Variants in MYH7B observed in about 807,000 individuals in gnomAD.
The protein encoded by MYH7B is myosin-7B.
A neutral mutation model predicts 234.5 loss-of-function variants in MYH7B; 205 were observed. The observed-to-expected ratio is 0.87, with a 90% CI of 0.78 to 0.98. The LOEUF (loss-of-function observed/expected upper bound fraction) is 0.98. Among genes scored for constraint, MYH7B ranks in the 50% least tolerant of loss-of-function variants. MYH7B has a pLI of 0.00. For synonymous variants in MYH7B, 1,193 were observed against 1,105.0 expected (o/e 1.08, Z -1.58); for missense variants, 2,652 against 2,633.4 (o/e 1.01, Z -0.15).
chr20:34,969,540 C>CTTTTTTTTTT (rs770172832), intron 2 of MYH7B, among the ~76,000 whole-genome samples: 1 of 126,780 alleles, frequency 7.9e-6, no homozygotes, highest in African/African-American at 3.0e-5. Flanking sequence ...TCTTCTGCTC[C>CTTTTTTTTTT]TTTTTTTTTT....
At chr20:34,985,255 G>A in intron 13 of MYH7B, 126 bp downstream of exon 13, 2 of 860,300 alleles carry the variant, frequency 2.3e-6, no homozygotes, top group South Asian at 1.5e-5. Context: ...CCCCCTGGCT[G>A]CTGCCCAGCT....
rs1328201921 is a variant in MYH7B at position 34,988,928 on chromosome 20, A to G, written c.1587+666A>G. On this transcript the variant is annotated intron_variant, in intron 19 of 44. Transcript: ENST00000262873. ...GGGTTCAAGCAATTCTTATGCCTCA[A>G]CCTCCCAAGTAGCTGGGATTACAGG... 2.0e-5 allele frequency among the ~76,000 whole-genome samples: 3 copies of G among 150,428 alleles called. No individual in the cohort carries two copies. The East Asian group carries it at 5.9e-4, about 30-fold the overall frequency.
At chr20:34,986,839 G>A in intron 14 of MYH7B, 47 bp from the exon 15 acceptor site, 3 of 1,494,914 alleles carry the variant, frequency 2.0e-6, no homozygotes, top group Non-Finnish European at 2.8e-6. Flanking sequence ...GGGGAGAATA[G>A]CCGGTAAGCA....
exon 7 of MYH7B, chr20:34,979,764 TGCA>T: frequency 6.2e-7 from 1 of 1,614,130 alleles, no homozygotes; most frequent in Non-Finnish European, 8.5e-7. Flanking sequence ...GCCTCTGTGC[TGCA>T]CAACCTGCGC....
In MYH7B at chr20:34,982,537, C is replaced by T. The variant is rs553774881; in HGVS notation, c.606C>T (p.Asp202=). ...TTGCCATCGTCGCTGCCCTGGGAGA[C>T]GGGCCGGGCAAGAAGGCCGTAAGAC... The change falls in exon 10 of 45, where the codon GAC becomes GAT. Residue 202 remains aspartate, a synonymous_variant. Transcript: ENST00000262873. 1.4e-5 allele frequency: 22 copies of T among 1,607,592 alleles called. No homozygotes were observed. In the Admixed American group the frequency reaches 1.7e-4, roughly 12 times the overall value.
intron 2 of MYH7B, among the ~76,000 whole-genome samples, chr20:34,959,144 C>G (rs1286260629): frequency 6.6e-6 from 1 of 152,222 alleles, no homozygotes; most frequent in Non-Finnish European, 1.5e-5. Context: ...AGGCTATAGA[C>G]TCGTCTGAGA....
chr20:34,971,591 C>T (rs988378941), intron 2 of MYH7B, among the ~76,000 whole-genome samples: 1 of 152,206 alleles, frequency 6.6e-6, no homozygotes, highest in African/African-American at 2.4e-5. Context: ...GCCCAACCAC[C>T]CCCAGTGTGC....
chr20:34,980,772 C>T, intron 8 of MYH7B, 38 bp downstream of exon 8: 2 of 1,601,832 alleles, frequency 1.2e-6, no homozygotes, highest in Non-Finnish European at 8.5e-7. Context: ...CCGCAGACCC[C>T]GACCTCGGTC....
chr20:34,962,772 C>T (rs1180185949), intron 2 of MYH7B, among the ~76,000 whole-genome samples: 1 of 152,140 alleles, frequency 6.6e-6, no homozygotes, highest in East Asian at 1.9e-4. Context: ...AGACTACAAG[C>T]GAGAGCCACC....
At chr20:34,998,681 G>C (rs771246144) in intron 34 of MYH7B, 38 bp from the exon 35 acceptor site, 1 of 1,612,244 alleles carries the variant, frequency 6.2e-7, no homozygotes, top group East Asian at 2.2e-5. Context: ...CAGAGCCACT[G>C]GGCTGCACTA....
At chr20:34,975,101 G>A (rs1253078256) in intron 2 of MYH7B, among the ~76,000 whole-genome samples, 1 of 152,018 alleles carries the variant, frequency 6.6e-6, no homozygotes, top group Non-Finnish European at 1.5e-5. Context: ...GCAAGAGTCG[G>A]TATAAAAAAA....
chr20:34,968,458 T>C (rs538818907), intron 2 of MYH7B, among the ~76,000 whole-genome samples: 2 of 152,344 alleles, frequency 1.3e-5, no homozygotes, highest in South Asian at 4.1e-4. Flanking sequence ...AAGAGGGACC[T>C]ATTCAAGGTC....
chr20:34,996,890 C>A, intron 30 of MYH7B, 132 bp downstream of exon 30: 1 of 1,371,800 alleles, frequency 7.3e-7, no homozygotes. Context: ...CACTGGGGTG[C>A]AGGGGTAGTG....
At chr20:34,994,095 T>A (rs1362020474) in intron 26 of MYH7B, 51 bp from the exon 27 acceptor site, 1 of 1,594,004 alleles carries the variant, frequency 6.3e-7, no homozygotes, top group Non-Finnish European at 8.6e-7. Flanking sequence ...GTGTCACCAT[T>A]TGTGACGGGC....
chr20:34,994,677 C>G (rs529325352), intron 27 of MYH7B, among the ~76,000 whole-genome samples: 5 of 152,226 alleles, frequency 3.3e-5, no homozygotes, highest in Non-Finnish European at 5.9e-5. Context: ...TGAAACCAAA[C>G]AGACCCATGC....
rs181482834 is a variant in MYH7B at position 34,979,772 on chromosome 20, C to T, written c.310C>T (p.Leu104=). The T allele has an allele frequency of 3.2e-3, 5,198 of 1,614,100 alleles. 13 individuals are homozygous for T. Among genetic ancestry groups the T allele is most frequent in the Non-Finnish European group, 4.2e-3 (4,906 of 1,180,024 alleles). ...GAACGAGGCCTCTGTGCTGCACAACCTGCGCCAGCGCTATGCCCGCTGGAT... is the reference window on the plus strand; with the variant it reads ...GAACGAGGCCTCTGTGCTGCACAACTTGCGCCAGCGCTATGCCCGCTGGAT... The change falls in exon 7 of 45, where the codon CTG becomes TTG. Residue 104 remains leucine, a synonymous_variant. Transcript: ENST00000262873.
intron 2 of MYH7B, among the ~76,000 whole-genome samples, chr20:34,960,284 A>G (rs947600021): frequency 5.9e-5 from 9 of 152,090 alleles, no homozygotes; most frequent in South Asian, 2.1e-4. Context: ...AGCCCAGGCT[A>G]GAGTGCAGTG....
intron 1 of MYH7B, among the ~76,000 whole-genome samples, chr20:34,956,272 C>G (rs3761144): frequency 0.62 from 94,806 of 151,936 alleles, 30,469 homozygotes; most frequent in African/African-American, 0.76. Context: ...ACCTGGGATA[C>G]CAGCAGGGAA....
At chr20:34,995,170 G>A (rs747087529) in intron 27 of MYH7B, among the ~76,000 whole-genome samples, 166 bp from the exon 28 acceptor site, 4 of 152,224 alleles carry the variant, frequency 2.6e-5, no homozygotes, top group Non-Finnish European at 5.9e-5. Context: ...GTCCCTCTGC[G>A]CTATTGCCCT....
Sources: allele counts gnomAD v4.1 joint callset (sites outside exome capture counted in the v4.1 genomes callset), GRCh38; gene constraint gnomAD v4.1.1; transcripts MANE v1.5; gene names NCBI Gene and HGNC (gene_info 2026-07-23, HGNC 2026-07-21).